Variants in MCM5 observed in about 807,000 individuals in gnomAD.
The protein encoded by MCM5 is minichromosome maintenance complex component 5.
MCM5 carries 46 observed loss-of-function variants against 79.9 expected under a neutral mutation model. The ratio of observed to expected loss-of-function variants is 0.58; its 90% CI spans 0.45 to 0.74. The LOEUF (loss-of-function observed/expected upper bound fraction) is 0.74, where lower values mean the gene tolerates loss of function less well. MCM5 is among the 30% of genes least tolerant of loss of function. The pLI, the probability that MCM5 is intolerant of heterozygous loss-of-function variation, is 0.00. For synonymous variants in MCM5, 404 were observed against 390.5 expected, an observed-to-expected ratio of 1.03 and a Z score of -0.41; for missense variants, 883 against 1,017.0, an observed-to-expected ratio of 0.87 and a Z score of 1.79.
At chr22:35,435,075 C>T in the MCM5 span, among the ~76,000 whole-genome samples, 1,974 of 152,212 alleles carry the variant, frequency 0.013, 54 homozygotes, top group African/African-American at 0.045. Flanking sequence ...TGCTTGAACC[C>T]GGGAGGTGGA....
intron 4 of MCM5, among the ~76,000 whole-genome samples, chr22:35,403,943 AAAAAAAAAC>A (rs1317501433): frequency 2.0e-5 from 3 of 150,952 alleles, no homozygotes; most frequent in Non-Finnish European, 4.4e-5. Context: ...AAACAAAACA[AAAAAAAAAC>A]AAAAAAAACA....
downstream of MCM5, among the ~76,000 whole-genome samples, chr22:35,428,345 G>T (rs1047076745): frequency 2.6e-5 from 4 of 151,372 alleles, no homozygotes; most frequent in Admixed American, 2.0e-4. Context: ...TTTTAGAGAT[G>T]GGGGTGGTTC....
At chr22:35,436,375 G>A in the MCM5 span, among the ~76,000 whole-genome samples, 2 of 152,126 alleles carry the variant, frequency 1.3e-5, no homozygotes, top group South Asian at 2.1e-4. Context: ...ACCTCCACAC[G>A]CTGTTACATG....
At chr22:35,401,439 T>G in intron 2 of MCM5, 1 of 471,224 alleles carries the variant, frequency 2.1e-6, no homozygotes, top group South Asian at 1.5e-5. Context: ...GCTGCAGCAC[T>G]GAAGCTGGAC....
chr22:35,441,262 A>C, the MCM5 span, among the ~76,000 whole-genome samples: 1 of 152,202 alleles, frequency 6.6e-6, no homozygotes, highest in Non-Finnish European at 1.5e-5. Flanking sequence ...ACAGGATGCT[A>C]TATGGAAGAT....
the MCM5 span, among the ~76,000 whole-genome samples, chr22:35,434,273 C>G: frequency 6.6e-6 from 1 of 152,100 alleles, no homozygotes; most frequent in South Asian, 2.1e-4. Flanking sequence ...AAAAAAAAGC[C>G]CTTTTTTTCC....
chr22:35,402,417 G>T (rs1191966282), intron 2 of MCM5, among the ~76,000 whole-genome samples: 1 of 150,908 alleles, frequency 6.6e-6, no homozygotes, highest in Non-Finnish European at 1.5e-5. Context: ...ACTGCTGCCT[G>T]CCGGGTTCAA....
the MCM5 span, among the ~76,000 whole-genome samples, chr22:35,446,778 C>T: frequency 6.6e-6 from 1 of 152,140 alleles, no homozygotes; most frequent in Non-Finnish European, 1.5e-5. Flanking sequence ...ATATTTCTCT[C>T]ATCTCGGTTC....
chr22:35,406,308 A>G (rs1225335065), intron 4 of MCM5, among the ~76,000 whole-genome samples: 2 of 33,768 alleles, frequency 5.9e-5, no homozygotes, highest in African/African-American at 2.4e-4. Context: ...CTCCCCCCCC[A>G]ATTGTGCTGC....
chr22:35,403,525 A>G lies in MCM5; in HGVS notation c.406A>G (p.Ser136Gly). Residue 136 changes from serine (S) to glycine (G), a missense_variant, in exon 4 of 17, where the codon AGC becomes GGC. By Grantham distance (56) the Ser-to-Gly change is moderately conservative (BLOSUM62 0). Around this residue, in one of 3 missense-constraint regions of MCM5, gnomAD observed 455 missense variants for 517.5 expected, o/e 0.88. Coordinates refer to ENST00000216122, the MANE Select transcript of MCM5 (RefSeq NM_006739.4). ...VMLKSDASPSSIRSLKSDMMS... is the reference protein window; with the variant it reads ...VMLKSDASPSGIRSLKSDMMS... ...GCTCAAGTCGGACGCCAGCCCTTCC[A>G]GCATTCGTAGCCTGAAGGTGGGTCG... 6.2e-7 allele frequency: 1 copy of G among 1,613,842 alleles called. No individual in the cohort carries two copies. Among genetic ancestry groups the G allele is most frequent in the Non-Finnish European group, 8.5e-7 (1 of 1,180,030 alleles).
the MCM5 span, among the ~76,000 whole-genome samples, chr22:35,448,613 G>T: frequency 6.6e-6 from 1 of 152,240 alleles, no homozygotes; most frequent in African/African-American, 2.4e-5. Flanking sequence ...CCAGGAGCAT[G>T]CATCCAGCCT....
chr22:35,425,729 C>T (rs1464981790), downstream of MCM5, among the ~76,000 whole-genome samples: 1 of 151,874 alleles, frequency 6.6e-6, no homozygotes, highest in Non-Finnish European at 1.5e-5. Context: ...TGGGGACTCG[C>T]GTGCATCTCA....
Position 35,410,954 on chromosome 22 carries a change from G to A in MCM5, c.919+44G>A, listed in dbSNP as rs566392235. On this transcript the variant is annotated intron_variant, in intron 7 of 16. Transcript: ENST00000216122. ...CCTGGCTTAGCCCTGCTAAAAGGCT[G>A]TGCTTGCATACTTCTGGTAACAGGC... 4.7e-5 allele frequency: 72 copies of A among 1,530,488 alleles called. 2 individuals are homozygous for A. The Admixed American group carries it at 1.1e-3, about 24-fold the overall frequency. 94.8% of individuals were successfully genotyped at this position (1,530,488 alleles called of 1,614,324 possible). A position where few individuals can be genotyped will look rare whatever the true frequency, so the allele number is the denominator to read the frequency against.
intron 4 of MCM5, among the ~76,000 whole-genome samples, chr22:35,403,952 C>CA (rs1366833660): frequency 1.4e-5 from 2 of 139,790 alleles, no homozygotes; most frequent in South Asian, 2.3e-4. Flanking sequence ...AAAAAAAAAA[C>CA]AAAAAAAACA....
the MCM5 span, among the ~76,000 whole-genome samples, chr22:35,450,635 A>C: frequency 6.6e-6 from 1 of 152,308 alleles, no homozygotes; most frequent in East Asian, 1.9e-4. Context: ...GGGACTTCTG[A>C]AGACAGGAGG....
At chr22:35,406,302 C>CCG (rs1555903427) in intron 4 of MCM5, among the ~76,000 whole-genome samples, 3 of 142,878 alleles carry the variant, frequency 2.1e-5, no homozygotes, top group East Asian at 2.0e-4. Flanking sequence ...TGCCACCTCC[C>CCG]CCCCCAATTG....
chr22:35,453,817 T>G, the MCM5 span, among the ~76,000 whole-genome samples: 1,941 of 78,090 alleles, frequency 0.025, 24 homozygotes, highest in Middle Eastern at 0.059. Flanking sequence ...TATATATATA[T>G]ATAGAGAGAG....
chr22:35,416,280 A>G (rs1932536315), intron 10 of MCM5, 59 bp from the exon 11 acceptor site: 4 of 1,527,898 alleles, frequency 2.6e-6, no homozygotes, highest in East Asian at 2.3e-5. Context: ...TCCTGTTTCT[A>G]CTGCTCCCTG....
In MCM5 at chr22:35,423,994, T is replaced by C. The variant is rs573522357; in HGVS notation, c.2104-160T>C. ...CCTTGAGCAAGTGGCTTAGCCTCCG[T>C]GTGCCTCAGTGTCTGGTACACAGTG... On this transcript the variant is annotated intron_variant, in intron 16 of 16. Coordinates refer to ENST00000216122, the MANE Select transcript of MCM5 (RefSeq NM_006739.4). The C allele has an allele frequency of 2.9e-4, 167 of 569,080 alleles. 1 individual carries two copies. In the South Asian group the frequency reaches 3.6e-3, roughly 12 times the overall value. 35.3% of individuals were successfully genotyped at this position (569,080 alleles called of 1,614,324 possible).
Sources: gnomAD v4.1 joint callset for allele counts (sites outside exome capture counted in the v4.1 genomes callset) on GRCh38, gnomAD v4.1.1 for gene constraint, gnomAD v4.1.1 regional missense constraint, MANE v1.5 for transcripts, NCBI Gene and HGNC (gene_info 2026-07-23, HGNC 2026-07-21) for gene names.